VTI1A: variants seen among roughly 807,000 people sequenced by gnomAD.
VTI1A encodes the protein vesicle transport through interaction with t-SNAREs 1A.
VTI1A carries 22 observed loss-of-function variants against 34.9 expected under a neutral mutation model. The observed-to-expected ratio is 0.63, with a 90% CI of 0.45 to 0.90. VTI1A has a LOEUF of 0.90. Among genes scored for constraint, VTI1A ranks in the 40% least tolerant of loss-of-function variants. The pLI, the probability that VTI1A is intolerant of heterozygous loss-of-function variation, is 0.00. For missense variants in VTI1A, 268 were observed against 275.6 expected (o/e 0.97, Z 0.20); for synonymous variants, 87 against 97.3 (o/e 0.89, Z 0.62).
chr10:112,641,480 G>A (rs1207215132), intron 5 of VTI1A, among the ~76,000 whole-genome samples: 5 of 152,172 alleles, frequency 3.3e-5, no homozygotes, highest in African/African-American at 1.2e-4. Flanking sequence ...GTGATGATGT[G>A]CATGACAGTT....
intron 7 of VTI1A, among the ~76,000 whole-genome samples, chr10:112,740,702 A>C (rs1850665051): frequency 6.6e-6 from 1 of 152,248 alleles, no homozygotes; most frequent in Non-Finnish European, 1.5e-5. Context: ...AGAAATTGGA[A>C]TGCTCATGTG....
In VTI1A at chr10:112,585,824, G is replaced by A. The variant is rs146106115; in HGVS notation, c.427+47494G>A. ...TAGCATAAAAAGTGTTGGGTGTTTC[G>A]GACAGACAGAAGCTGAATCAGAAAT... On this transcript the variant is annotated intron_variant, in intron 5 of 7. Coordinates refer to ENST00000393077, the MANE Select transcript of VTI1A (RefSeq NM_145206.4). Among the ~76,000 whole-genome samples, 454 of 152,048 alleles carry A rather than the reference G, an allele frequency of 3.0e-3. 1 individual carries two copies. The highest frequency in any genetic ancestry group is 0.011 in the African/African-American group (442 of 41,504).
intron 5 of VTI1A, among the ~76,000 whole-genome samples, chr10:112,552,119 G>A (rs1589894328): frequency 6.6e-6 from 1 of 152,136 alleles, no homozygotes; most frequent in East Asian, 1.9e-4. Flanking sequence ...GGTAACACAG[G>A]CGATAACATT....
intron 3 of VTI1A, among the ~76,000 whole-genome samples, chr10:112,497,493 G>A (rs563816516): frequency 8.5e-5 from 13 of 152,246 alleles, no homozygotes; most frequent in African/African-American, 3.1e-4. Flanking sequence ...AAGGATTATT[G>A]TGAAGAGTAA....
At chr10:112,775,123 C>T (rs916677490) in intron 7 of VTI1A, among the ~76,000 whole-genome samples, 2 of 152,180 alleles carry the variant, frequency 1.3e-5, no homozygotes, top group South Asian at 2.1e-4. Context: ...TTTCTAACAC[C>T]TCCACTGCCG....
intron 7 of VTI1A, among the ~76,000 whole-genome samples, chr10:112,748,132 G>GA (rs1850968391): frequency 6.6e-6 from 1 of 152,112 alleles, no homozygotes; most frequent in South Asian, 2.1e-4. Context: ...TAGGATTCCT[G>GA]ACAAGAGACC....
intron 7 of VTI1A, among the ~76,000 whole-genome samples, chr10:112,803,177 T>C (rs1241535397): frequency 6.6e-6 from 1 of 152,204 alleles, no homozygotes; most frequent in African/African-American, 2.4e-5. Context: ...CAAGCATTTC[T>C]CCTGCCTTAG....
At chr10:112,494,256 CTT>C (rs1222168968) in intron 3 of VTI1A, among the ~76,000 whole-genome samples, 1 of 151,862 alleles carries the variant, frequency 6.6e-6, no homozygotes, top group African/African-American at 2.4e-5. Context: ...TGTTTATAAT[CTT>C]TTTTATTTCT....
chr10:112,707,702 A>C lies in VTI1A; in HGVS notation c.560+38704A>C, dbSNP rs554608469. ...TGTATATTTTACATACAAATAATTG[A>C]ATGTTTTATTGGCATTTAAGTTTTC... On this transcript the variant is annotated intron_variant, in intron 7 of 7. Coordinates refer to ENST00000393077, the MANE Select transcript of VTI1A (RefSeq NM_145206.4). Among the ~76,000 whole-genome samples the C allele has an allele frequency of 2.6e-5, 4 of 152,308 alleles. No homozygotes were observed. In the South Asian group the frequency reaches 8.3e-4, roughly 32 times the overall value.
intron 7 of VTI1A, among the ~76,000 whole-genome samples, chr10:112,726,996 AT>A (rs1850053697): frequency 6.6e-6 from 1 of 152,194 alleles, no homozygotes; most frequent in Admixed American, 6.5e-5. Flanking sequence ...ATCTAAAAAA[AT>A]TTATAGCAAT....
chr10:112,723,538 G>T (rs1313848915), intron 7 of VTI1A, among the ~76,000 whole-genome samples: 1 of 152,170 alleles, frequency 6.6e-6, no homozygotes, highest in African/African-American at 2.4e-5. Flanking sequence ...ACTGGGAAAG[G>T]CATGTACTGC....
At chr10:112,449,869 A>G (rs1305880634) in intron 1 of VTI1A, 1 of 152,214 alleles carries the variant, frequency 6.6e-6, no homozygotes, top group Admixed American at 6.5e-5. Flanking sequence ...CTCTGGAAGA[A>G]TGCTTACTGA....
At chr10:112,732,100 T>A (rs954561561) in intron 7 of VTI1A, among the ~76,000 whole-genome samples, 1 of 152,026 alleles carries the variant, frequency 6.6e-6, no homozygotes, top group Non-Finnish European at 1.5e-5. Flanking sequence ...CTTGTAAAAA[T>A]CACATTTTTG....
At chr10:112,787,176 T>C (rs966862568) in intron 7 of VTI1A, among the ~76,000 whole-genome samples, 6 of 152,236 alleles carry the variant, frequency 3.9e-5, no homozygotes, top group African/African-American at 1.4e-4. Context: ...CTAAATTATC[T>C]GACTTGTTTG....
chr10:112,652,403 G>T (rs1847067583), intron 5 of VTI1A, among the ~76,000 whole-genome samples: 1 of 152,086 alleles, frequency 6.6e-6, no homozygotes, highest in African/African-American at 2.4e-5. Context: ...TCCTGGAAAG[G>T]GAATTGAGGA....
chr10:112,723,624 G>C (rs1382875500), intron 7 of VTI1A, among the ~76,000 whole-genome samples: 2 of 152,180 alleles, frequency 1.3e-5, no homozygotes. Context: ...CAAACCTGTG[G>C]TTTGGAAAGC....
intron 5 of VTI1A, among the ~76,000 whole-genome samples, chr10:112,627,499 T>C (rs1442535005): frequency 1.3e-5 from 2 of 152,172 alleles, no homozygotes; most frequent in Non-Finnish European, 2.9e-5. Context: ...TCGTCCCCTT[T>C]ACCCCTACCC....
At chr10:112,467,444 C>T (rs1347459036) in intron 3 of VTI1A, among the ~76,000 whole-genome samples, 1 of 151,986 alleles carries the variant, frequency 6.6e-6, no homozygotes, top group African/African-American at 2.4e-5. Flanking sequence ...AATATCCTAA[C>T]ACTGATGATA....
chr10:112,634,645 T>C (rs752077772), intron 5 of VTI1A, among the ~76,000 whole-genome samples: 12 of 152,082 alleles, frequency 7.9e-5, no homozygotes, highest in Non-Finnish European at 1.2e-4. Context: ...TGTGACAAGG[T>C]GGTTTGGCAA....
Sources: gnomAD v4.1 joint callset for allele counts (sites outside exome capture counted in the v4.1 genomes callset) on GRCh38, gnomAD v4.1.1 for gene constraint, MANE v1.5 for transcripts, NCBI Gene and HGNC (gene_info 2026-07-23, HGNC 2026-07-21) for gene names.